Variants in TEX11 observed in about 807,000 individuals in gnomAD.
The protein encoded by TEX11 is testis-expressed protein 11.
TEX11 carries 7 observed loss-of-function variants against 84.4 expected under a neutral mutation model. The observed-to-expected ratio is 0.08, with a 90% confidence interval of 0.05 to 0.16. TEX11 has a LOEUF of 0.16. Among genes scored for constraint, TEX11 ranks in the 10% least tolerant of loss-of-function variants. TEX11 has a pLI of 1.00. For missense variants in TEX11, 551 were observed against 660.5 expected (o/e 0.83, Z 1.82); for synonymous variants, 264 against 222.8 (o/e 1.18, Z -1.64).
At chrX:70,801,625 T>TTTTC (rs200925505) in intron 9 of TEX11, among the ~76,000 whole-genome samples, 958 of 88,736 alleles carry the variant, frequency 0.011, 8 homozygotes, top group Middle Eastern at 0.032. Context: ...TTTTCTTTTA[T>TTTTC]TTTCTTTCTT....
Position 70,833,279 on chromosome X carries a change from A to AAAAAGAAAAGAAAAG in TEX11, c.606+219_606+233dup, listed in dbSNP as rs201329658. The stretch of plus-strand genomic sequence containing the variant: ...AGTGAGACTCCATCTCAGAAAAAAA[A>AAAAAGAAAAGAAAAG]AAAAGAAAAGAAAAGAAAAGAAAAG... On this transcript the variant is annotated intron_variant, in intron 8 of 29. Coordinates refer to ENST00000374333, the MANE Select transcript of TEX11 (RefSeq NM_031276.3). Among the ~76,000 whole-genome samples the AAAAAGAAAAGAAAAG allele has an allele frequency of 1.3e-3, 133 of 103,347 alleles. 1 individual carries two copies. The highest frequency in any genetic ancestry group is 4.7e-3 in the African/African-American group (125 of 26,671). The allele number at this position is 103,347 out of a possible 115,157, so 89.7% of individuals were successfully genotyped here.
intron 5 of TEX11, 40 bp downstream of exon 5, chrX:70,860,817 A>G: frequency 3.1e-6 from 3 of 953,048 alleles, no homozygotes; most frequent in Non-Finnish European, 4.5e-6. Flanking sequence ...AGTAACAACC[A>G]TCTCATTTCA....
chrX:70,716,643 G>T (rs193141796), intron 13 of TEX11, among the ~76,000 whole-genome samples: 7 of 112,395 alleles, frequency 6.2e-5, no homozygotes, highest in Non-Finnish European at 1.1e-4. Context: ...TTGGAAAAGC[G>T]CAGTATTATG....
At chrX:70,602,708 T>C (rs1052693051) in intron 24 of TEX11, among the ~76,000 whole-genome samples, 3 of 107,378 alleles carry the variant, frequency 2.8e-5, no homozygotes, top group South Asian at 4.3e-4. Context: ...CCACGGCAAT[T>C]AGGCAGGAGA....
intron 25 of TEX11, among the ~76,000 whole-genome samples, chrX:70,571,784 A>G (rs1001555084): frequency 1.8e-5 from 2 of 109,178 alleles, no homozygotes; most frequent in Non-Finnish European, 3.8e-5. Flanking sequence ...ATATGTTACA[A>G]GTACACTTGA....
chrX:70,757,552 T>C (rs2090876340), intron 9 of TEX11, among the ~76,000 whole-genome samples: 3 of 111,709 alleles, frequency 2.7e-5, no homozygotes, highest in African/African-American at 9.8e-5. Context: ...AATAAAATCT[T>C]TTACAGACAA....
At chrX:70,521,252 T>C in the TEX11 span, among the ~76,000 whole-genome samples, 1 of 110,741 alleles carries the variant, frequency 9.0e-6, no homozygotes, top group African/African-American at 3.3e-5. Context: ...ACCAGAGCTG[T>C]TCCTATTTGG....
At chrX:70,844,205 G>C (rs1451025394) in intron 7 of TEX11, among the ~76,000 whole-genome samples, 1 of 110,085 alleles carries the variant, frequency 9.1e-6, no homozygotes, top group East Asian at 2.8e-4. Flanking sequence ...AGACTTGGAA[G>C]CAACCTAAAT....
intron 8 of TEX11, among the ~76,000 whole-genome samples, chrX:70,816,470 G>A (rs1470299125): frequency 9.0e-6 from 1 of 111,419 alleles, no homozygotes; most frequent in African/African-American, 3.3e-5. Flanking sequence ...CAGCATTTTG[G>A]GAGGCTGAGG....
the TEX11 span, among the ~76,000 whole-genome samples, chrX:70,516,159 C>T: frequency 9.1e-6 from 1 of 110,238 alleles, no homozygotes; most frequent in Non-Finnish European, 1.9e-5. Context: ...GCTTTTGTTG[C>T]CATTGCTTTT....
At chrX:70,598,357 T>C (rs1408708889) in intron 24 of TEX11, among the ~76,000 whole-genome samples, 1 of 111,532 alleles carries the variant, frequency 9.0e-6, no homozygotes, top group Admixed American at 9.6e-5. Context: ...TAAAAAGATA[T>C]AATAACAAGT....
At chrX:70,524,961 C>G (rs1372108813), downstream of TEX11, among the ~76,000 whole-genome samples, 3 of 111,904 alleles carry the variant, frequency 2.7e-5, no homozygotes, top group African/African-American at 9.7e-5. Context: ...ATCACTTGAG[C>G]TCAGGAGTTT....
At chrX:70,645,421 C>G (rs2089729714) in intron 17 of TEX11, among the ~76,000 whole-genome samples, 1 of 111,215 alleles carries the variant, frequency 9.0e-6, no homozygotes, top group South Asian at 3.8e-4. Flanking sequence ...TACTTCTATT[C>G]AACATACTAC....
intron 12 of TEX11, among the ~76,000 whole-genome samples, 162 bp downstream of exon 12, chrX:70,725,100 C>G (rs903677382): frequency 9.1e-6 from 1 of 109,649 alleles, no homozygotes; most frequent in Non-Finnish European, 1.9e-5. Context: ...TTCTTTCTCT[C>G]TTTCTTCCTG....
chrX:70,609,332 T>C (rs765378718), intron 21 of TEX11, among the ~76,000 whole-genome samples, 155 bp from the exon 22 acceptor site: 6 of 112,603 alleles, frequency 5.3e-5, no homozygotes, highest in South Asian at 7.4e-4. Context: ...GTAATTAAAA[T>C]GACAGAAAGC....
At chrX:70,564,737 T>A (rs2088432710) in intron 25 of TEX11, among the ~76,000 whole-genome samples, 1 of 108,638 alleles carries the variant, frequency 9.2e-6, no homozygotes, top group African/African-American at 3.3e-5. Flanking sequence ...CATGAACTCA[T>A]CATTTTTTAT....
intron 13 of TEX11, among the ~76,000 whole-genome samples, chrX:70,701,915 T>C (rs987545037): frequency 3.6e-5 from 4 of 111,476 alleles, no homozygotes; most frequent in Non-Finnish European, 5.7e-5. Context: ...CCTGAAGATA[T>C]GATTGAATTG....
chrX:70,670,560 C>T, intron 15 of TEX11, 46 bp from the exon 16 acceptor site: 2 of 1,146,993 alleles, frequency 1.7e-6, no homozygotes, highest in Non-Finnish European at 2.3e-6. Context: ...TGTCGCTACC[C>T]TATCTTTCCC....
chrX:70,658,373 C>G (rs931327887), intron 16 of TEX11, among the ~76,000 whole-genome samples: 2 of 111,315 alleles, frequency 1.8e-5, no homozygotes, highest in Admixed American at 9.5e-5. Flanking sequence ...GCCGAGATAG[C>G]ACAACTGCTC....
Sources: allele counts gnomAD v4.1 joint callset (sites outside exome capture counted in the v4.1 genomes callset), GRCh38; gene constraint gnomAD v4.1.1; transcripts MANE v1.5; gene names NCBI Gene and HGNC (gene_info 2026-07-23, HGNC 2026-07-21).